LHX8: variants seen among roughly 807,000 people sequenced by gnomAD.
The protein encoded by LHX8 is LIM homeobox 8, also known as LIM/homeobox protein Lhx8.
LHX8 carries 12 observed loss-of-function variants against 40.3 expected under a neutral mutation model. The observed-to-expected ratio is 0.30, with a 90% confidence interval of 0.19 to 0.48. The LOEUF (loss-of-function observed/expected upper bound fraction) is 0.48. Ranked by LOEUF, LHX8 falls within the 20% of genes least tolerant of loss-of-function variation. The pLI is 0.99. For missense variants in LHX8, 344 were observed against 433.7 expected, an observed-to-expected ratio of 0.79 and a Z score of 1.84; for synonymous variants, 179 against 162.0, an observed-to-expected ratio of 1.10 and a Z score of -0.80.
chr1:75,159,434 A>C (rs1648857106), intron 8 of LHX8: 1 of 152,032 alleles, frequency 6.6e-6, no homozygotes, highest in South Asian at 2.1e-4. Context: ...GCTCCTATGA[A>C]AAAATTTTCT....
downstream of LHX8, among the ~76,000 whole-genome samples, chr1:75,162,405 T>C (rs1304470628): frequency 1.3e-5 from 2 of 152,154 alleles, no homozygotes; most frequent in Non-Finnish European, 2.9e-5. Context: ...TTACCTGATG[T>C]CTAGGAAAGC....
chr1:75,136,150 T>A (rs1465345869), intron 1 of LHX8, among the ~76,000 whole-genome samples: 1 of 152,184 alleles, frequency 6.6e-6, no homozygotes, highest in Admixed American at 6.5e-5. Context: ...ATTAAAGAAA[T>A]CTAGTTTCTT....
the LHX8 span, among the ~76,000 whole-genome samples, chr1:75,168,496 G>A: frequency 2.0e-5 from 3 of 152,096 alleles, no homozygotes; most frequent in Non-Finnish European, 2.9e-5. Context: ...CAAAGTGCTG[G>A]GATTACAGGC....
At chr1:75,156,225 GTTGTTGTTGTTTTGTT>G (rs1328915286) in intron 7 of LHX8, among the ~76,000 whole-genome samples, 1 of 124,384 alleles carries the variant, frequency 8.0e-6, no homozygotes, top group Non-Finnish European at 1.8e-5. Flanking sequence ...TGTTGTTGTT[GTTGTTGTTGTTTTGTT>G]TTGTTTTGTT....
chr1:75,158,905 A>G (rs1397762057), intron 8 of LHX8, among the ~76,000 whole-genome samples: 2 of 152,144 alleles, frequency 1.3e-5, no homozygotes, highest in East Asian at 1.9e-4. Context: ...GATACAATCT[A>G]TTACAGCAAA....
the LHX8 span, among the ~76,000 whole-genome samples, chr1:75,170,396 C>A: frequency 6.6e-6 from 1 of 152,198 alleles, no homozygotes; most frequent in East Asian, 1.9e-4. Flanking sequence ...AAGACAAAAA[C>A]AAAAGCAAAA....
At chr1:75,143,474 G>T in intron 5 of LHX8, 136 bp downstream of exon 5, 1 of 646,618 alleles carries the variant, frequency 1.5e-6, no homozygotes, top group Non-Finnish European at 2.6e-6. Context: ...GTACTCTACT[G>T]TTTGTGATGG....
chr1:75,182,090 A>T, the LHX8 span, among the ~76,000 whole-genome samples: 1 of 152,118 alleles, frequency 6.6e-6, no homozygotes. Flanking sequence ...ACATTGAGAA[A>T]AGTTTTTCAA....
intron 8 of LHX8, chr1:75,159,281 C>T (rs543900333): frequency 2.0e-5 from 3 of 152,068 alleles, no homozygotes; most frequent in South Asian, 4.1e-4. Flanking sequence ...CGAAAATAAA[C>T]GTCTTTTTTC....
the LHX8 span, among the ~76,000 whole-genome samples, chr1:75,180,588 C>T: frequency 1.3e-5 from 2 of 152,104 alleles, no homozygotes; most frequent in Admixed American, 6.5e-5. Flanking sequence ...GTTAGCCATT[C>T]GTCTAATCTT....
At chr1:75,174,372 C>T in the LHX8 span, among the ~76,000 whole-genome samples, 1 of 152,136 alleles carries the variant, frequency 6.6e-6, no homozygotes, top group Non-Finnish European at 1.5e-5. Flanking sequence ...AAGAGGATGC[C>T]TCTCTTCTGA....
intron 6 of LHX8, among the ~76,000 whole-genome samples, chr1:75,147,254 A>C (rs1393992724): frequency 6.6e-6 from 1 of 152,172 alleles, no homozygotes; most frequent in Non-Finnish European, 1.5e-5. Flanking sequence ...AAATTTGTAA[A>C]TCTCAAAATT....
At chr1:75,132,756 A>AACACACACACACACACACACAC (rs373753523), upstream of LHX8, 1 of 146,048 alleles carries the variant, frequency 6.8e-6, no homozygotes, top group East Asian at 2.1e-4. Context: ...TTTAAACCCT[A>AACACACACACACACACACACAC]ACACACACAC....
Position 75,148,517 on chromosome 1 carries a change from A to AGG in LHX8, c.685-70_685-69insGG, listed in dbSNP as rs1301972338. ...TCTTGTGCATGTCTTACCTCTTATG[A>AGG]TAAAAATGCAGGAAGAAGACTGAGC... On this transcript the variant is annotated intron_variant, in intron 6 of 8. Transcript: ENST00000356261. 39 of 1,059,024 alleles carry AGG rather than the reference A, an allele frequency of 3.7e-5. 1 individual carries two copies. The highest frequency in any genetic ancestry group is 2.9e-4 in the Admixed American group (17 of 58,710). The allele number at this position is 1,059,024 out of a possible 1,614,324, so 65.6% of individuals were successfully genotyped here.
intron 6 of LHX8, among the ~76,000 whole-genome samples, chr1:75,144,778 T>C (rs891834828): frequency 6.6e-6 from 1 of 152,146 alleles, no homozygotes; most frequent in African/African-American, 2.4e-5. Context: ...CCTATCACAC[T>C]GCTGGGTACC....
chr1:75,197,370 A>G, the LHX8 span, among the ~76,000 whole-genome samples: 1 of 152,176 alleles, frequency 6.6e-6, no homozygotes, highest in South Asian at 2.1e-4. Context: ...ACATAGTTGT[A>G]TAGTTCCAAA....
the LHX8 span, among the ~76,000 whole-genome samples, chr1:75,193,682 T>G: frequency 4.6e-5 from 7 of 152,254 alleles, no homozygotes; most frequent in Non-Finnish European, 7.3e-5. Flanking sequence ...ACCTGTGTTT[T>G]GCCTTAACTT....
intron 7 of LHX8, among the ~76,000 whole-genome samples, chr1:75,154,603 CA>C (rs912622056): frequency 2.6e-4 from 39 of 152,270 alleles, no homozygotes; most frequent in African/African-American, 8.4e-4. Flanking sequence ...CCCCCTTACA[CA>C]TTGGAGAATG....
chr1:75,143,729 C>T (rs956981024), intron 5 of LHX8, 116 bp from the exon 6 acceptor site: 41 of 771,856 alleles, frequency 5.3e-5, no homozygotes, highest in South Asian at 7.4e-5. Flanking sequence ...GGGGTTTTGC[C>T]GTCTAGAAAA....
Sources: allele counts gnomAD v4.1 joint callset (sites outside exome capture counted in the v4.1 genomes callset), GRCh38; gene constraint gnomAD v4.1.1; transcripts MANE v1.5; gene names NCBI Gene and HGNC (gene_info 2026-07-23, HGNC 2026-07-21).